The following SHTN1 variants were observed in gnomAD, a reference collection of about 807,000 sequenced individuals.
The protein encoded by SHTN1 is shootin 1.
A neutral mutation model predicts 83.1 loss-of-function variants in SHTN1; 42 were observed. The observed-to-expected ratio is 0.51, with a 90% CI of 0.39 to 0.65. SHTN1 has a LOEUF of 0.65. Among genes scored for constraint, SHTN1 ranks in the 30% least tolerant of loss-of-function variants. The pLI is 0.00. For missense variants in SHTN1, 622 were observed against 737.8 expected, an observed-to-expected ratio of 0.84 and a Z score of 1.82; for synonymous variants, 224 against 247.7, an observed-to-expected ratio of 0.90 and a Z score of 0.90.
intron 4 of SHTN1, among the ~76,000 whole-genome samples, chr10:116,954,919 GA>G (rs1849922377): frequency 1.3e-5 from 2 of 152,000 alleles, no homozygotes; most frequent in Admixed American, 6.6e-5. Flanking sequence ...AAGCAACAGA[GA>G]AAGGGTTTCC....
chr10:117,013,493 G>A, intron 2 of SHTN1, among the ~76,000 whole-genome samples: 1 of 152,026 alleles, frequency 6.6e-6, no homozygotes, highest in Non-Finnish European at 1.5e-5. Flanking sequence ...ATTTTTAAAT[G>A]GAAAATAAGC....
chr10:116,979,289 G>GTCTTCATA lies in SHTN1; in HGVS notation c.70_77dup (p.Leu27MetfsTer40), dbSNP rs1268164470. The GTCTTCATA allele has an allele frequency of 6.2e-7, 1 of 1,613,874 alleles. No individual in the cohort carries two copies. The highest frequency in any genetic ancestry group is 8.5e-7 in the Non-Finnish European group (1 of 1,179,918). The stretch of plus-strand genomic sequence containing the variant: ...TTGTTTTCTGGTTCTCTGCTCTAAG[G>GTCTTCATA]TCTTCATATTCGCCTATTGCTAAAA... On this transcript the variant is annotated frameshift_variant, in exon 2 of 17. Coordinates refer to ENST00000355371, the MANE Select transcript of SHTN1 (RefSeq NM_001127211.3). LOFTEE classifies it high-confidence loss of function.
chr10:116,896,821 T>C (rs1847537600), intron 16 of SHTN1, among the ~76,000 whole-genome samples: 1 of 150,816 alleles, frequency 6.6e-6, no homozygotes, highest in African/African-American at 2.4e-5. Flanking sequence ...TTTTTTTTTT[T>C]TGAGTTAAGA....
At chr10:117,034,778 G>T (rs992446995) in intron 2 of SHTN1, among the ~76,000 whole-genome samples, 5 of 152,030 alleles carry the variant, frequency 3.3e-5, no homozygotes, top group Admixed American at 2.0e-4. Context: ...AACCAAAGAA[G>T]TGAAAGATCT....
intron 4 of SHTN1, among the ~76,000 whole-genome samples, chr10:116,955,549 T>A (rs1346750099): frequency 6.6e-6 from 1 of 152,174 alleles, no homozygotes; most frequent in Non-Finnish European, 1.5e-5. Context: ...GACACTAGAA[T>A]AAGATATTTA....
rs991330817 is a variant in SHTN1, at chr10:116,931,311, C to T, written c.859-1309G>A. 6.6e-5 allele frequency among the ~76,000 whole-genome samples: 10 copies of T among 152,176 alleles called. No individual in the cohort carries two copies. In the East Asian group the frequency reaches 7.7e-4, roughly 12 times the overall value. On this transcript the variant is annotated intron_variant, in intron 9 of 16. Transcript: ENST00000355371. Reference sequence around the variant, plus strand: ...TCGGCCAGGCTGGAGTGCAGTGGCGCGATCTGGGCTCACTGCAAACTTCGC... The same window carrying T: ...TCGGCCAGGCTGGAGTGCAGTGGCGTGATCTGGGCTCACTGCAAACTTCGC...
chr10:116,949,462 A>G (rs1308280107), intron 6 of SHTN1, among the ~76,000 whole-genome samples: 1 of 152,120 alleles, frequency 6.6e-6, no homozygotes, highest in East Asian at 1.9e-4. Flanking sequence ...AAATCCAACT[A>G]AAGATCACCC....
chr10:116,953,634 T>TG (rs1186677140), intron 5 of SHTN1, among the ~76,000 whole-genome samples: 2 of 142,640 alleles, frequency 1.4e-5, no homozygotes, highest in Non-Finnish European at 3.1e-5. Flanking sequence ...TTTTTTTTTT[T>TG]TTTTTTTTTT....
In SHTN1 at chr10:117,005,114, G is replaced by C. The variant is rs776169278; in HGVS notation, c.-35C>G. ...TGGGGCCGGGAATAAAAGGGAAAGA[G>C]GGAGCGGCGCGGGGCACACAGGAGG... On this transcript the variant is annotated 5_prime_UTR_variant, in exon 1 of 17. Transcript: ENST00000355371. 8 of 1,575,592 alleles carry C rather than the reference G, an allele frequency of 5.1e-6. No individual in the cohort carries two copies. In the South Asian group the frequency reaches 8.1e-5, roughly 16 times the overall value.
chr10:117,116,818 AT>A (rs1399853002), intron 1 of SHTN1, among the ~76,000 whole-genome samples: 1 of 152,172 alleles, frequency 6.6e-6, no homozygotes, highest in East Asian at 1.9e-4. Flanking sequence ...CCATATGATT[AT>A]TTCCATAGAT....
chr10:117,004,512 T>C (rs1851938536), intron 1 of SHTN1, among the ~76,000 whole-genome samples: 1 of 151,708 alleles, frequency 6.6e-6, no homozygotes, highest in African/African-American at 2.4e-5. Context: ...AAAAAAAAAT[T>C]ATGGCCTGAA....
rs1217795641 is a variant in SHTN1, at chr10:116,958,655, CAG to C, written c.267+1479_267+1480del. On this transcript the variant is annotated intron_variant, in intron 4 of 16. Transcript: ENST00000355371. ...CATTTAGAGCAAGACAACTGTAGCT[CAG>C]AGAGGTGAGTTCTCTTGCCCAAAAA... 2.1e-5 allele frequency among the ~76,000 whole-genome samples: 3 copies of C among 145,728 alleles called. No individual in the cohort carries two copies. The East Asian group carries it at 6.0e-4, about 29-fold the overall frequency.
At chr10:117,029,844 TTC>T (rs775526943) in intron 2 of SHTN1, among the ~76,000 whole-genome samples, 11 of 148,176 alleles carry the variant, frequency 7.4e-5, no homozygotes, top group South Asian at 2.1e-4. Flanking sequence ...CTTTCTTTCT[TTC>T]TCTCTCTCTC....
chr10:116,977,340 C>T (rs2133476914), intron 2 of SHTN1, among the ~76,000 whole-genome samples: 1 of 152,268 alleles, frequency 6.6e-6, no homozygotes, highest in East Asian at 1.9e-4. Context: ...AAAGAGTGCT[C>T]CTGAATTAAC....
chr10:117,062,664 G>A (rs1852920203), intron 1 of SHTN1, among the ~76,000 whole-genome samples: 1 of 152,126 alleles, frequency 6.6e-6, no homozygotes, highest in Non-Finnish European at 1.5e-5. Context: ...AATGTGTTAT[G>A]ACATGGTAGG....
chr10:116,927,764 G>A (rs1241893321), intron 11 of SHTN1, 28 bp downstream of exon 11: 10 of 1,501,110 alleles, frequency 6.7e-6, no homozygotes, highest in African/African-American at 1.4e-5. Context: ...AACATTTGAT[G>A]CAGAGCAGTC....
At chr10:117,031,998 C>A (rs1309398880) in intron 2 of SHTN1, among the ~76,000 whole-genome samples, 8 of 151,778 alleles carry the variant, frequency 5.3e-5, no homozygotes, top group African/African-American at 1.9e-4. Flanking sequence ...GATCTGTTGC[C>A]TACAAGAAAC....
chr10:116,913,106 A>G (rs1173995121), intron 13 of SHTN1, among the ~76,000 whole-genome samples: 3 of 152,220 alleles, frequency 2.0e-5, no homozygotes, highest in Non-Finnish European at 2.9e-5. Context: ...ATAAGCGGTT[A>G]AATTAATATT....
intron 1 of SHTN1, among the ~76,000 whole-genome samples, chr10:117,060,862 G>T (rs11599535): frequency 6.6e-6 from 1 of 152,158 alleles, no homozygotes; most frequent in Non-Finnish European, 1.5e-5. Flanking sequence ...AGAAATCTTA[G>T]GAAGAGTAGC....
Sources: gnomAD v4.1 joint callset for allele counts (sites outside exome capture counted in the v4.1 genomes callset) on GRCh38, gnomAD v4.1.1 for gene constraint, MANE v1.5 for transcripts, NCBI Gene and HGNC (gene_info 2026-07-23, HGNC 2026-07-21) for gene names.